The following SATB2 variants were observed in gnomAD, a reference collection of about 807,000 sequenced individuals.
SATB2 encodes the protein DNA-binding protein SATB2.
Under a neutral mutation model 73.4 loss-of-function variants are expected in SATB2, and 1 was observed. That is an observed-to-expected ratio of 0.01 (90% CI 0.00 to 0.06). The LOEUF is 0.06. Ranked by LOEUF, SATB2 falls within the 10% of genes least tolerant of loss-of-function variation. The pLI is 1.00. For missense variants in SATB2, 459 were observed against 945.8 expected, an observed-to-expected ratio of 0.49 and a Z score of 6.75; for synonymous variants, 397 against 367.0, an observed-to-expected ratio of 1.08 and a Z score of -0.93.
intron 2 of SATB2, among the ~76,000 whole-genome samples, chr2:199,454,833 T>C (rs1692227294): frequency 6.6e-6 from 1 of 152,154 alleles, no homozygotes; most frequent in Non-Finnish European, 1.5e-5. Flanking sequence ...AATAGACACT[T>C]ACAACAAGGG....
intron 7 of SATB2, chr2:199,348,104 T>C (rs1359504394): frequency 6.6e-6 from 1 of 152,356 alleles, no homozygotes; most frequent in African/African-American, 2.4e-5. Flanking sequence ...CTGTTTACAT[T>C]TTCAACATTT....
At chr2:199,283,615 C>G (rs930618058) in intron 10 of SATB2, among the ~76,000 whole-genome samples, 9 of 151,290 alleles carry the variant, frequency 5.9e-5, no homozygotes, top group Non-Finnish European at 1.3e-4. Context: ...ATAGACCACA[C>G]TTCAAAATTT....
rs1473776958 is a variant in SATB2, at chr2:199,308,868, G to A, written c.1632C>T (p.Phe544=). Residue 544 remains phenylalanine, a synonymous_variant, in exon 10 of 11, where the codon TTC becomes TTT. Transcript: ENST00000417098. The surrounding 1 kb of genome is among the most constrained non-coding windows in gnomAD (Gnocchi z 4.6). ...CCCTCTCATGCTGGGGAAGGTTCAG[G>A]AAGCGACGGATGGTACAGAGGTTTT... ...LWENLCTIRR[F]LNLPQHERDV... 1 of 1,614,042 alleles carries A rather than the reference G, an allele frequency of 6.2e-7. No individual in the cohort carries two copies. Among genetic ancestry groups the A allele is most frequent in the African/African-American group, 1.3e-5 (1 of 74,916 alleles).
At chr2:199,326,912 G>C (rs1349818184) in intron 8 of SATB2, among the ~76,000 whole-genome samples, 1 of 152,088 alleles carries the variant, frequency 6.6e-6, no homozygotes, top group African/African-American at 2.4e-5. Context: ...GTGCATGATA[G>C]AAAGTAATCT....
At chr2:199,432,613 A>C (rs1343117855) in intron 3 of SATB2, among the ~76,000 whole-genome samples, 1 of 152,044 alleles carries the variant, frequency 6.6e-6, no homozygotes, top group Non-Finnish European at 1.5e-5. Context: ...CAAGAACAAT[A>C]AATTCCATCA....
intron 9 of SATB2, among the ~76,000 whole-genome samples, chr2:199,315,496 C>T (rs1170561230): frequency 1.3e-5 from 2 of 151,898 alleles, no homozygotes; most frequent in Non-Finnish European, 2.9e-5. Context: ...GGGAGGGGCA[C>T]ACCACAGATG....
chr2:199,361,045 T>C (rs1689122279), intron 6 of SATB2, among the ~76,000 whole-genome samples: 7 of 152,112 alleles, frequency 4.6e-5, no homozygotes, highest in African/African-American at 1.7e-4. Flanking sequence ...TCCAGCCCTC[T>C]CCCGCTCTTG....
intron 3 of SATB2, among the ~76,000 whole-genome samples, chr2:199,414,816 G>A (rs77699448): frequency 6.6e-6 from 1 of 152,166 alleles, no homozygotes; most frequent in South Asian, 2.1e-4. Flanking sequence ...ACAAAACAAC[G>A]ACTGGGAGCA....
rs1687511705 is a variant in SATB2, at chr2:199,308,775, G to C, written c.1725C>G (p.Pro575=). ...GGACACTGACCTGCACCGGCTCAGG[G>C]GGAAGCTGGACCACGTGTTGCATGC... ...SERMQHVVQL[P]PEPVQVLHRQ... is the part of the protein sequence containing the mutation. Residue 575 remains proline (P), a synonymous_variant, in exon 10 of 11, where the codon CCC becomes CCG. Coordinates refer to ENST00000417098, the MANE Select transcript of SATB2 (RefSeq NM_001172509.2). The surrounding 1 kb of genome is among the most constrained non-coding windows in gnomAD (Gnocchi z 4.6). 1 of 1,614,104 alleles carries C rather than the reference G, an allele frequency of 6.2e-7. No individual in the cohort carries two copies. Among genetic ancestry groups the C allele is most frequent in the African/African-American group, 1.3e-5 (1 of 75,030 alleles).
rs1692252534 is a variant in SATB2 at position 199,455,733 on chromosome 2, G to A, written c.169+136C>T. 1 of 950,670 alleles carries A rather than the reference G, an allele frequency of 1.1e-6. No homozygotes were observed. Among genetic ancestry groups the A allele is most frequent in the Non-Finnish European group, 1.6e-6 (1 of 628,048 alleles). The allele number at this position is 950,670 out of a possible 1,614,324, so 58.9% of individuals were successfully genotyped here. On this transcript the variant is annotated intron_variant, in intron 2 of 10. Transcript: ENST00000417098. This position sits in a 1 kb window ranked among gnomAD's most constrained non-coding sequence, Gnocchi z 4.1. ...CTACCAGTTGCAGATGAGAGGCGAC[G>A]GGGGCATTATTTGGCAACCTGGAAT...
chr2:199,404,602 G>C lies in SATB2; in HGVS notation c.347-22782C>G, dbSNP rs1377628809. 3.9e-5 allele frequency among the ~76,000 whole-genome samples: 6 copies of C among 152,070 alleles called. No homozygotes were observed. The East Asian group carries it at 1.2e-3, about 29-fold the overall frequency. On this transcript the variant is annotated intron_variant, in intron 3 of 10. Coordinates refer to ENST00000417098, the MANE Select transcript of SATB2 (RefSeq NM_001172509.2). ...CATTTAAAAAGTATGAACCCTATGA[G>C]TATTGCTTTAATGTTATGTGTCTTT...
intron 2 of SATB2, among the ~76,000 whole-genome samples, chr2:199,439,032 C>T (rs1037484909): frequency 1.3e-5 from 2 of 152,234 alleles, no homozygotes; most frequent in Non-Finnish European, 2.9e-5. Context: ...GGACCCTTTA[C>T]CACTTGCTAT....
intron 9 of SATB2, among the ~76,000 whole-genome samples, chr2:199,321,581 G>T (rs1176088418): frequency 1.3e-5 from 2 of 149,514 alleles, no homozygotes; most frequent in Admixed American, 1.3e-4. Context: ...TGTACACACA[G>T]GTACACACAC....
chr2:199,360,683 C>T (rs1352097313), intron 6 of SATB2, among the ~76,000 whole-genome samples: 1 of 152,080 alleles, frequency 6.6e-6, no homozygotes, highest in Non-Finnish European at 1.5e-5. Flanking sequence ...GCTTATCACT[C>T]CTCTTCCTCT....
chr2:199,408,753 C>T (rs917319870), intron 3 of SATB2, among the ~76,000 whole-genome samples: 1 of 150,836 alleles, frequency 6.6e-6, no homozygotes, highest in African/African-American at 2.4e-5. Flanking sequence ...AGAAAAAGAA[C>T]TATATCAATA....
chr2:199,332,847 C>T (rs745829361), intron 7 of SATB2, among the ~76,000 whole-genome samples: 5 of 152,076 alleles, frequency 3.3e-5, no homozygotes, highest in Non-Finnish European at 5.9e-5. Context: ...TTTGCACTAG[C>T]TTTTGACATC....
At position 199,349,098 on chromosome 2, in the gene SATB2, T is replaced by C. The variant is rs2105823512; in HGVS notation, c.776A>G (p.Asn259Ser). Residue 259 changes from asparagine to serine, a missense_variant, in exon 7 of 11, where the codon AAC (asparagine) becomes AGC (serine). Around this residue, in one of 13 missense-constraint regions of SATB2, gnomAD observed 77 missense variants for 90.4 expected, o/e 0.85. Transcript: ENST00000417098. ...GGTTTTCCCCAGGGATGCCAGCTGGTTCATATTTGGTAAATGCATTGGACG... is the reference window on the plus strand; with the variant it reads ...GGTTTTCCCCAGGGATGCCAGCTGGCTCATATTTGGTAAATGCATTGGACG... ...GQRPMHLPNM[N>S]QLASLGKTNE... The C allele has an allele frequency of 6.2e-7, 1 of 1,614,070 alleles. No individual in the cohort carries two copies. Among genetic ancestry groups the C allele is most frequent in the East Asian group, 2.2e-5 (1 of 44,870 alleles).
chr2:199,455,422 C>T lies in SATB2; in HGVS notation c.169+447G>A, dbSNP rs1206709259. On this transcript the variant is annotated intron_variant, in intron 2 of 10. Transcript: ENST00000417098. The surrounding 1 kb of genome is among the most constrained non-coding windows in gnomAD (Gnocchi z 4.1). ...GTTGTCATTCATCTGTCTTGAAGCACTGTCCTCACTACAAAGTAACATCAA... is the reference window on the plus strand; with the variant it reads ...GTTGTCATTCATCTGTCTTGAAGCATTGTCCTCACTACAAAGTAACATCAA... Among the ~76,000 whole-genome samples the T allele has an allele frequency of 1.3e-5, 2 of 152,216 alleles. No individual in the cohort carries two copies. The highest frequency in any genetic ancestry group is 2.9e-5 in the Non-Finnish European group (2 of 68,046).
intron 9 of SATB2, among the ~76,000 whole-genome samples, chr2:199,318,464 T>C (rs1687795750): frequency 1.3e-5 from 2 of 152,220 alleles, no homozygotes; most frequent in Admixed American, 1.3e-4. Context: ...TCCTAAAAAA[T>C]TATAGTTTTA....
Sources: allele counts gnomAD v4.1 joint callset (sites outside exome capture counted in the v4.1 genomes callset), GRCh38; gene constraint gnomAD v4.1.1; regional missense constraint gnomAD v4.1.1; non-coding constraint Gnocchi (gnomAD v3.1); transcripts MANE v1.5; gene names NCBI Gene and HGNC (gene_info 2026-07-23, HGNC 2026-07-21).